Variants in ITFG2 observed in about 807,000 individuals in gnomAD.
ITFG2 encodes integrin alpha FG-GAP repeat containing 2.
Under a neutral mutation model 54.4 loss-of-function variants are expected in ITFG2, and 36 were observed. That is an observed-to-expected ratio of 0.66 (90% CI 0.51 to 0.87). The LOEUF (loss-of-function observed/expected upper bound fraction) is 0.87. Ranked by LOEUF, ITFG2 falls within the 40% of genes least tolerant of loss-of-function variation. ITFG2 has a pLI of 0.00. For synonymous variants in ITFG2, 211 were observed against 225.4 expected, an observed-to-expected ratio of 0.94 and a Z score of 0.57; for missense variants, 524 against 576.7, an observed-to-expected ratio of 0.91 and a Z score of 0.94.
rs758457342 is a variant in ITFG2, at chr12:2,845,225, C to T, written n.300+4230C>T. Among the ~76,000 whole-genome samples the T allele has an allele frequency of 2.0e-5, 3 of 152,034 alleles. No individual in the cohort carries two copies. The highest frequency in any genetic ancestry group is 4.4e-5 in the Non-Finnish European group (3 of 68,016). On this transcript the variant is annotated intron_variant and non_coding_transcript_variant, in intron 2 of 3. Coordinates refer to the ITFG2 transcript ENST00000537710. This position sits in a 1 kb window ranked among gnomAD's most constrained non-coding sequence, Gnocchi z 4.2. ...TGAGTTGGAATGAAGGCTGGAGGGT[C>T]GCAGGGAAGCTGGAAAGTGAGTTGG...
chr12:2,848,947 G>A (rs2098061332), intron 2 of ITFG2: 1 of 415,162 alleles, frequency 2.4e-6, no homozygotes, highest in South Asian at 2.8e-5. Flanking sequence ...CTTAGGAACT[G>A]GAGCCCCTCC....
intron 2 of ITFG2, among the ~76,000 whole-genome samples, chr12:2,844,142 C>T (rs2098047867): frequency 6.6e-6 from 1 of 151,202 alleles, no homozygotes. Context: ...CTTGTGGTCC[C>T]AGCTACTCAG....
In ITFG2 at chr12:2,823,713, C is replaced by G. The variant is rs546897607; in HGVS notation, c.1067-57C>G. 4.9e-4 allele frequency: 743 copies of G among 1,502,422 alleles called. 11 individuals are homozygous for G. The South Asian group carries it at 9.4e-3, about 19-fold the overall frequency. The allele number at this position is 1,502,422 out of a possible 1,614,324, so 93.1% of individuals were successfully genotyped here. A position where few individuals can be genotyped will look rare whatever the true frequency, so the allele number is the denominator to read the frequency against. On this transcript the variant is annotated intron_variant, in intron 10 of 11. Coordinates refer to ENST00000228799, the MANE Select transcript of ITFG2 (RefSeq NM_018463.4). ...CGGAGGTCTGTGTCTTGCTGTCTGC[C>G]CCCCACTGTCGGCACTGAAACTTCC...
At chr12:2,835,086 G>A (rs1174670886), upstream of ITFG2, 2 of 1,437,996 alleles carry the variant, frequency 1.4e-6, no homozygotes, top group African/African-American at 1.4e-5. Flanking sequence ...GGGTTGGCAG[G>A]GCCCACAGCT....
intron 2 of ITFG2, among the ~76,000 whole-genome samples, chr12:2,854,386 G>T (rs2098080761): frequency 6.6e-6 from 1 of 152,192 alleles, no homozygotes; most frequent in African/African-American, 2.4e-5. Flanking sequence ...TCCTCCCACA[G>T]TGAGGTCGGT....
chr12:2,815,706 C>G (rs1384484044), intron 1 of ITFG2, among the ~76,000 whole-genome samples: 1 of 152,206 alleles, frequency 6.6e-6, no homozygotes, highest in Non-Finnish European at 1.5e-5. Context: ...CAAAGTCAGG[C>G]ATGTGTAACC....
At chr12:2,832,020 G>C (rs1433426858), upstream of ITFG2, among the ~76,000 whole-genome samples, 1 of 152,002 alleles carries the variant, frequency 6.6e-6, no homozygotes, top group Non-Finnish European at 1.5e-5. Context: ...ACATCTGCTT[G>C]GAGCTTCAGC....
chr12:2,844,599 C>T (rs1363618034), intron 2 of ITFG2, among the ~76,000 whole-genome samples: 3 of 152,102 alleles, frequency 2.0e-5, no homozygotes, highest in Non-Finnish European at 4.4e-5. Flanking sequence ...CTGTATGCCT[C>T]AGCTTAGTAT....
chr12:2,849,823 C>T (rs2098064362), intron 2 of ITFG2, among the ~76,000 whole-genome samples: 1 of 152,194 alleles, frequency 6.6e-6, no homozygotes, highest in Non-Finnish European at 1.5e-5. Context: ...CAGATTCTAA[C>T]TGTCCTTCAA....
At chr12:2,846,048 G>A (rs547694794) in intron 2 of ITFG2, among the ~76,000 whole-genome samples, 1 of 152,142 alleles carries the variant, frequency 6.6e-6, no homozygotes, top group Non-Finnish European at 1.5e-5. Flanking sequence ...AAGGTCGCGT[G>A]CTTGCTATTG....
intron 9 of ITFG2, among the ~76,000 whole-genome samples, chr12:2,822,482 G>A (rs1265298784): frequency 3.3e-5 from 5 of 152,278 alleles, no homozygotes; most frequent in African/African-American, 1.2e-4. Flanking sequence ...AGCAGGTAGG[G>A]GCTATACTTT....
At position 2,821,679 on chromosome 12, in the gene ITFG2, T is replaced by C; in HGVS notation, c.848-13T>C. 9 of 1,613,220 alleles carry C rather than the reference T, an allele frequency of 5.6e-6. No homozygotes were observed. The highest frequency in any genetic ancestry group is 7.6e-6 in the Non-Finnish European group (9 of 1,179,334). On this transcript the variant is annotated splice_polypyrimidine_tract_variant and intron_variant, in intron 8 of 11. Transcript: ENST00000228799. Reference sequence around the variant, plus strand: ...CTATCCCACCCACACTCAGCCTGCCTCTCCCCCGGCAGGGACACTGAAGCT... The same window carrying C: ...CTATCCCACCCACACTCAGCCTGCCCCTCCCCCGGCAGGGACACTGAAGCT...
At position 2,845,113 on chromosome 12, in the gene ITFG2, C is replaced by T. The variant is rs765669349; in HGVS notation, n.300+4118C>T. On this transcript the variant is annotated intron_variant and non_coding_transcript_variant, in intron 2 of 3. Coordinates refer to the ITFG2 transcript ENST00000537710. The surrounding 1 kb of genome is among the most constrained non-coding windows in gnomAD (Gnocchi z 4.2). ...GTGTAATGAAAAGAGCAAATGTGTG[C>T]GGCTCGGTGGCAGCACAACTAAGGA... 2.0e-4 allele frequency among the ~76,000 whole-genome samples: 30 copies of T among 151,232 alleles called. No homozygotes were observed. Among genetic ancestry groups the T allele is most frequent in the Admixed American group, 3.3e-4 (5 of 15,188 alleles).
At chr12:2,859,629 G>C in exon 4 of ITFG2, 1 of 1,611,694 alleles carries the variant, frequency 6.2e-7, no homozygotes, top group Admixed American at 1.7e-5. Flanking sequence ...TCCTGCAGAA[G>C]AAAGAGGAGC....
chr12:2,817,787 A>G, intron 2 of ITFG2, 122 bp from the exon 3 acceptor site: 1 of 902,220 alleles, frequency 1.1e-6, no homozygotes, highest in Non-Finnish European at 1.7e-6. Context: ...CATGGTTCAT[A>G]TGGCGAAAGT....
intron 4 of ITFG2, chr12:2,818,551 G>A (rs573367948): frequency 3.6e-5 from 17 of 473,876 alleles, no homozygotes; most frequent in Non-Finnish European, 5.3e-5. Flanking sequence ...TGATACCAAC[G>A]CTTTGGGAGG....
At chr12:2,853,263 C>T (rs1320330525) in intron 2 of ITFG2, among the ~76,000 whole-genome samples, 1 of 151,980 alleles carries the variant, frequency 6.6e-6, no homozygotes, top group Non-Finnish European at 1.5e-5. Flanking sequence ...CTCTCAAAGT[C>T]ACCAACCTTT....
chr12:2,846,536 C>T (rs921243070), intron 2 of ITFG2, among the ~76,000 whole-genome samples: 11 of 152,034 alleles, frequency 7.2e-5, no homozygotes, highest in Admixed American at 5.9e-4. Flanking sequence ...AGTCACTTCT[C>T]GACGGGCTTC....
intron 2 of ITFG2, among the ~76,000 whole-genome samples, chr12:2,847,198 T>A (rs1271309941): frequency 3.9e-5 from 6 of 152,182 alleles, no homozygotes; most frequent in Non-Finnish European, 7.3e-5. Context: ...TTAAAAAAAA[T>A]TTTAATGTGT....
Sources: gnomAD v4.1 joint callset for allele counts (sites outside exome capture counted in the v4.1 genomes callset) on GRCh38, gnomAD v4.1.1 for gene constraint, Gnocchi (gnomAD v3.1) non-coding constraint, MANE v1.5 for transcripts, NCBI Gene and HGNC (gene_info 2026-07-23, HGNC 2026-07-21) for gene names.